The following PRKCE variants were observed in gnomAD, a reference collection of about 807,000 sequenced individuals.
PRKCE encodes protein kinase C epsilon.
In PRKCE, 16 loss-of-function variants were observed where a neutral mutation model predicts 85.4. That is an observed-to-expected ratio of 0.19 (90% CI 0.13 to 0.28). The LOEUF (loss-of-function observed/expected upper bound fraction) is 0.28, where lower values mean the gene tolerates loss of function less well. PRKCE is among the 10% of genes least tolerant of loss of function. The pLI, the probability that PRKCE is intolerant of heterozygous loss-of-function variation, is 1.00. For missense variants in PRKCE, 573 were observed against 975.2 expected, an observed-to-expected ratio of 0.59 and a Z score of 5.49; for synonymous variants, 388 against 371.5, an observed-to-expected ratio of 1.04 and a Z score of -0.51.
intron 10 of PRKCE, among the ~76,000 whole-genome samples, chr2:46,042,538 G>T (rs1181051525): frequency 6.6e-6 from 1 of 152,230 alleles, no homozygotes; most frequent in Non-Finnish European, 1.5e-5. Context: ...CCAGCCTGCA[G>T]TTCTCTCTCT....
In PRKCE at chr2:45,976,490, G is replaced by C. The variant is rs1310175950; in HGVS notation, c.474G>C (p.Gly158=). 6.3e-7 allele frequency: 1 copy of C among 1,599,766 alleles called. No individual in the cohort carries two copies. The highest frequency in any genetic ancestry group is 8.5e-7 in the Non-Finnish European group (1 of 1,179,954). The change falls in exon 3 of 15, where the codon GGG becomes GGC. Residue 158 remains glycine, a synonymous_variant. Coordinates refer to ENST00000306156, the MANE Select transcript of PRKCE (RefSeq NM_005400.3). ...RERMRPRKRQ[G]AVRRRVHQVN... is the part of the protein sequence containing the mutation. ...GCATGCGGCCGAGGAAGCGGCAGGGGGCCGTCAGGCGCAGGGTCCATCAGG... is the reference window on the plus strand; with the variant it reads ...GCATGCGGCCGAGGAAGCGGCAGGGCGCCGTCAGGCGCAGGGTCCATCAGG...
At chr2:45,906,739 C>T (rs909804923) in intron 2 of PRKCE, among the ~76,000 whole-genome samples, 4 of 152,192 alleles carry the variant, frequency 2.6e-5, no homozygotes, top group Non-Finnish European at 4.4e-5. Flanking sequence ...GCTGCTGGCC[C>T]ACCCTCCATC....
intron 11 of PRKCE, among the ~76,000 whole-genome samples, chr2:46,109,001 G>C (rs897354343): frequency 6.6e-6 from 1 of 151,794 alleles, no homozygotes; most frequent in South Asian, 2.1e-4. Context: ...TCAAAACTCA[G>C]TTGGCTGTAT....
intron 2 of PRKCE, among the ~76,000 whole-genome samples, chr2:45,942,322 C>T (rs1263097319): frequency 6.6e-6 from 1 of 152,130 alleles, no homozygotes; most frequent in Non-Finnish European, 1.5e-5. Context: ...TCAAAGTTTA[C>T]ATGTGGGTTA....
chr2:45,893,615 G>A (rs1267624774), intron 2 of PRKCE, among the ~76,000 whole-genome samples: 2 of 151,692 alleles, frequency 1.3e-5, no homozygotes, highest in East Asian at 3.9e-4. Flanking sequence ...GCCCGCCTCA[G>A]CCTCCCAAAG....
chr2:45,786,890 A>T lies in PRKCE; in HGVS notation c.349-56110A>T, dbSNP rs1686641161. ...TGGCAATAGTAGAGATGCGATTCAAACCCTAGGGAATACGATTCCAGAACC... is the reference window on the plus strand; with the variant it reads ...TGGCAATAGTAGAGATGCGATTCAATCCCTAGGGAATACGATTCCAGAACC... On this transcript the variant is annotated intron_variant, in intron 1 of 14. Transcript: ENST00000306156. The surrounding 1 kb of genome is among the most constrained non-coding windows in gnomAD (Gnocchi z 5.3). Among the ~76,000 whole-genome samples, 1 of 152,182 alleles carries T rather than the reference A, an allele frequency of 6.6e-6. No homozygotes were observed. Among genetic ancestry groups the T allele is most frequent in the Non-Finnish European group, 1.5e-5 (1 of 68,040 alleles).
intron 10 of PRKCE, among the ~76,000 whole-genome samples, chr2:46,050,537 C>G (rs1029740986): frequency 6.6e-6 from 1 of 152,248 alleles, no homozygotes; most frequent in Non-Finnish European, 1.5e-5. Context: ...CCTTGTCCCT[C>G]CCTTGTGAGC....
intron 2 of PRKCE, among the ~76,000 whole-genome samples, chr2:45,919,730 G>C (rs1171624593): frequency 6.6e-6 from 1 of 152,244 alleles, no homozygotes; most frequent in Non-Finnish European, 1.5e-5. Flanking sequence ...TGGCTCTAGG[G>C]CTGGGGCTAG....
At chr2:45,864,841 G>C (rs1180809693) in intron 2 of PRKCE, among the ~76,000 whole-genome samples, 1 of 152,188 alleles carries the variant, frequency 6.6e-6, no homozygotes, top group Non-Finnish European at 1.5e-5. Flanking sequence ...GCAATATGGA[G>C]CTGTGTTTCA....
intron 2 of PRKCE, among the ~76,000 whole-genome samples, chr2:45,865,815 C>CTTCTTCTTCTTT (rs779577778): frequency 2.7e-4 from 36 of 133,638 alleles, no homozygotes; most frequent in African/African-American, 4.5e-4. Flanking sequence ...TCTTCTTCTT[C>CTTCTTCTTCTTT]TTTTTTTTTT....
intron 11 of PRKCE, among the ~76,000 whole-genome samples, chr2:46,141,463 T>C (rs916292999): frequency 6.6e-6 from 1 of 152,258 alleles, no homozygotes; most frequent in African/African-American, 2.4e-5. Context: ...ACACAGGGCA[T>C]GAATAAAAAG....
chr2:45,852,880 G>A (rs954946325), intron 2 of PRKCE, among the ~76,000 whole-genome samples: 1 of 152,168 alleles, frequency 6.6e-6, no homozygotes, highest in Non-Finnish European at 1.5e-5. Flanking sequence ...TAAAAATGGA[G>A]ATTCTGACTC....
chr2:46,070,292 C>T (rs1393676449), intron 10 of PRKCE, among the ~76,000 whole-genome samples: 1 of 152,176 alleles, frequency 6.6e-6, no homozygotes, highest in Non-Finnish European at 1.5e-5. Flanking sequence ...TGTGTGGACC[C>T]TCAATACACA....
intron 11 of PRKCE, among the ~76,000 whole-genome samples, chr2:46,114,110 G>A (rs955869996): frequency 7.2e-5 from 11 of 152,132 alleles, no homozygotes; most frequent in Non-Finnish European, 1.5e-4. Context: ...CTTTGGACCC[G>A]AATGAGCAGG....
Position 46,155,328 on chromosome 2 carries a change from G to A in PRKCE, c.1920+4099G>A, listed in dbSNP as rs985176552. 6.6e-6 allele frequency among the ~76,000 whole-genome samples: 1 copy of A among 152,160 alleles called. No homozygotes were observed. On this transcript the variant is annotated intron_variant, in intron 13 of 14. Transcript: ENST00000306156. This position sits in a 1 kb window ranked among gnomAD's most constrained non-coding sequence, Gnocchi z 4.7. ...GTGAATCTTTGATGGACCCCTTCAA[G>A]GAGCTCTTCTCAGCTCCTTGCTGGT...
chr2:45,939,155 C>G (rs562205747), intron 2 of PRKCE, among the ~76,000 whole-genome samples: 1 of 152,232 alleles, frequency 6.6e-6, no homozygotes, highest in African/African-American at 2.4e-5. Flanking sequence ...TATGCCCTCA[C>G]TCACAGAGTC....
chr2:45,824,001 G>A (rs945897794), intron 1 of PRKCE, among the ~76,000 whole-genome samples: 5 of 152,244 alleles, frequency 3.3e-5, no homozygotes, highest in Non-Finnish European at 5.9e-5. Context: ...CCTTGGCACT[G>A]CAGGGAGGTT....
intron 1 of PRKCE, among the ~76,000 whole-genome samples, chr2:45,744,473 CTTTCTTTCTTTCTTTTTCTTTCTTTCTT>C (rs1682915942): frequency 1.8e-3 from 69 of 39,100 alleles, no homozygotes; most frequent in African/African-American, 5.3e-3. Flanking sequence ...TTCTTTCTTT[CTTTCTTTCTTTCTTTTTCTTTCTTTCTT>C]TTCTTTCTTT....
At chr2:45,929,506 CTG>C (rs1394863239) in intron 2 of PRKCE, among the ~76,000 whole-genome samples, 1 of 152,054 alleles carries the variant, frequency 6.6e-6, no homozygotes, top group Non-Finnish European at 1.5e-5. Context: ...ATGCAGGAAA[CTG>C]TTGCCCCTTC....
Sources: allele counts gnomAD v4.1 joint callset (sites outside exome capture counted in the v4.1 genomes callset), GRCh38; gene constraint gnomAD v4.1.1; non-coding constraint Gnocchi (gnomAD v3.1); transcripts MANE v1.5; gene names NCBI Gene and HGNC (gene_info 2026-07-23, HGNC 2026-07-21).